The following CGNL1 variants were observed in gnomAD, a reference collection of about 807,000 sequenced individuals.
CGNL1 encodes the protein cingulin like 1.
Under a neutral mutation model 141.2 loss-of-function variants are expected in CGNL1, and 132 were observed. The observed-to-expected ratio is 0.93, with a 90% CI of 0.81 to 1.08. The LOEUF is 1.08. CGNL1 is among the 50% of genes least tolerant of loss of function. The pLI, the probability that CGNL1 is intolerant of heterozygous loss-of-function variation, is 0.00. For synonymous variants in CGNL1, 690 were observed against 622.1 expected (o/e 1.11, Z -1.63); for missense variants, 1,870 against 1,588.6 (o/e 1.18, Z -3.01).
rs1346186239 is a variant in CGNL1, at chr15:57,546,207, G to T, written c.3741G>T (p.Gln1247His). 1 of 1,598,462 alleles carries T rather than the reference G, an allele frequency of 6.3e-7. No homozygotes were observed. Among genetic ancestry groups the T allele is most frequent in the East Asian group, 2.3e-5 (1 of 44,134 alleles). The change falls in exon 18 of 19, where the codon CAG (glutamine) becomes CAT (histidine). Residue 1247 changes from glutamine (Q) to histidine (H), a missense_variant. Transcript: ENST00000281282. ...AGATGGACATGAATGAGCATCTGCA[G>T]GGGCAGCTCAACTCCATGAAGAAGG... ...EEQMDMNEHLQGQLNSMKKDL... is the reference protein window; with the variant it reads ...EEQMDMNEHLHGQLNSMKKDL...
chr15:57,447,678 A>G (rs1196102514), intron 4 of CGNL1, among the ~76,000 whole-genome samples: 1 of 152,016 alleles, frequency 6.6e-6, no homozygotes, highest in African/African-American at 2.4e-5. Flanking sequence ...ATTCTTGGCT[A>G]TTATTTATTT....
chr15:57,442,018 G>A (rs2063193640), intron 3 of CGNL1, among the ~76,000 whole-genome samples: 1 of 151,866 alleles, frequency 6.6e-6, no homozygotes. Context: ...CAAAGAAAAG[G>A]AGAATTCTTT....
chr15:57,439,809 G>A (rs2063162422), intron 2 of CGNL1, among the ~76,000 whole-genome samples: 1 of 152,170 alleles, frequency 6.6e-6, no homozygotes, highest in Non-Finnish European at 1.5e-5. Context: ...TTGAAGTTCA[G>A]CTGGATTCCC....
chr15:57,476,639 G>C (rs1429115896), intron 8 of CGNL1, among the ~76,000 whole-genome samples: 1 of 152,142 alleles, frequency 6.6e-6, no homozygotes, highest in Non-Finnish European at 1.5e-5. Flanking sequence ...ATGTGTTCAC[G>C]GTGACCACAC....
Position 57,528,827 on chromosome 15 carries a change from G to T in CGNL1, c.3201+12G>T, listed in dbSNP as rs372867513. ...TCAAGCAGATGGAGGTCTGTGGGCCGTACAGTGTGAGCTGGGGGACCTGCA... is the reference window on the plus strand; with the variant it reads ...TCAAGCAGATGGAGGTCTGTGGGCCTTACAGTGTGAGCTGGGGGACCTGCA... On this transcript the variant is annotated intron_variant, in intron 13 of 18. Transcript: ENST00000281282. 6.2e-7 allele frequency: 1 copy of T among 1,611,786 alleles called. No individual in the cohort carries two copies. The highest frequency in any genetic ancestry group is 1.3e-5 in the African/African-American group (1 of 74,852).
chr15:57,543,819 C>A (rs769104869), intron 15 of CGNL1, 40 bp downstream of exon 15: 1 of 1,476,384 alleles, frequency 6.8e-7, no homozygotes, highest in Non-Finnish European at 9.5e-7. Context: ...CCCGTCCATC[C>A]GCTAACCCTC....
chr15:57,521,394 C>T (rs1050952660), intron 10 of CGNL1, among the ~76,000 whole-genome samples: 4 of 152,102 alleles, frequency 2.6e-5, no homozygotes, highest in Non-Finnish European at 4.4e-5. Flanking sequence ...ATTTTAAGTA[C>T]AGACACCCCA....
intron 7 of CGNL1, among the ~76,000 whole-genome samples, chr15:57,455,021 A>G (rs1567129249): frequency 1.3e-5 from 2 of 152,146 alleles, no homozygotes; most frequent in Non-Finnish European, 2.9e-5. Context: ...TGTATATATA[A>G]TATAAGGACA....
rs1465742998 is a variant in CGNL1, at chr15:57,536,297, A to C, written c.3291+4518A>C. 2.6e-5 allele frequency among the ~76,000 whole-genome samples: 4 copies of C among 152,190 alleles called. No homozygotes were observed. The East Asian group carries it at 5.8e-4, about 22-fold the overall frequency. On this transcript the variant is annotated intron_variant, in intron 14 of 18. Coordinates refer to ENST00000281282, the MANE Select transcript of CGNL1 (RefSeq NM_032866.5). Reference sequence around the variant, plus strand: ...GGGATTATGGGAGCTATAATTCAAGATGAGATTTGGGTGAGGACACAGCCA... The same window carrying C: ...GGGATTATGGGAGCTATAATTCAAGCTGAGATTTGGGTGAGGACACAGCCA...
intron 8 of CGNL1, among the ~76,000 whole-genome samples, chr15:57,476,407 T>A (rs1222197129): frequency 2.6e-5 from 4 of 152,198 alleles, no homozygotes; most frequent in Non-Finnish European, 5.9e-5. Context: ...TTTTATGCCT[T>A]TTATAGTTTT....
At chr15:57,401,710 A>G (rs1595664699) in intron 1 of CGNL1, among the ~76,000 whole-genome samples, 2 of 152,202 alleles carry the variant, frequency 1.3e-5, no homozygotes, top group East Asian at 1.9e-4. Context: ...CTCATTCTCA[A>G]ATTTCCTTAT....
intron 1 of CGNL1, among the ~76,000 whole-genome samples, chr15:57,388,337 G>A (rs932588084): frequency 1.3e-5 from 2 of 152,132 alleles, no homozygotes; most frequent in Non-Finnish European, 2.9e-5. Context: ...ATTCTAGGGT[G>A]GTCTTTCCTT....
Position 57,419,614 on chromosome 15 carries a change from C to T in CGNL1, c.-15-18371C>T, listed in dbSNP as rs141391924. 8.5e-3 allele frequency among the ~76,000 whole-genome samples: 1,299 copies of T among 152,138 alleles called. 7 individuals carry two copies. Among genetic ancestry groups the T allele is most frequent in the Non-Finnish European group, 0.013 (881 of 67,988 alleles). ...TGATATTTTTCTCATGATTAGACTGCGATTAGGAAGTCCCATTATGGGGCT... is the reference window on the plus strand; with the variant it reads ...TGATATTTTTCTCATGATTAGACTGTGATTAGGAAGTCCCATTATGGGGCT... On this transcript the variant is annotated intron_variant, in intron 1 of 18. Transcript: ENST00000281282.
chr15:57,452,097 A>C lies in CGNL1; in HGVS notation c.1906-44A>C, dbSNP rs117922168. ...AAGTAGGCTTCTGTGGGGTTACGTTAATGTACAGTGGAGGCTCTTTAAAAT... is the reference window on the plus strand; with the variant it reads ...AAGTAGGCTTCTGTGGGGTTACGTTCATGTACAGTGGAGGCTCTTTAAAAT... On this transcript the variant is annotated intron_variant, in intron 5 of 18. Transcript: ENST00000281282. 7.1e-4 allele frequency: 1,116 copies of C among 1,565,546 alleles called. 9 individuals carry two copies. The East Asian group carries it at 0.023, about 32-fold the overall frequency.
chr15:57,528,803 C>A lies in CGNL1; in HGVS notation c.3189C>A (p.Val1063=). 1 of 1,613,710 alleles carries A rather than the reference C, an allele frequency of 6.2e-7. No homozygotes were observed. Among genetic ancestry groups the A allele is most frequent in the South Asian group, 1.1e-5 (1 of 91,012 alleles). ...TCAAAGATGACCGCAGCAGGCTGGT[C>A]AAGCAGATGGAGGTCTGTGGGCCGT... ...SHLKDDRSRL[V]KQMEDKVSQL... The change falls in exon 13 of 19, where the codon GTC becomes GTA. Residue 1063 remains valine, a synonymous_variant. Transcript: ENST00000281282.
chr15:57,451,719 T>C (rs547335157), intron 5 of CGNL1, 118 bp downstream of exon 5: 9 of 701,216 alleles, frequency 1.3e-5, no homozygotes, highest in African/African-American at 5.4e-5. Flanking sequence ...AAAAGAAACA[T>C]TCCTCTAATC....
chr15:57,539,968 C>A (rs1368553676), intron 14 of CGNL1, among the ~76,000 whole-genome samples: 1 of 152,112 alleles, frequency 6.6e-6, no homozygotes, highest in Admixed American at 6.5e-5. Flanking sequence ...TATTCAAATC[C>A]GCAGGACTTG....
chr15:57,408,901 G>A (rs1276738766), intron 1 of CGNL1, among the ~76,000 whole-genome samples: 2 of 151,988 alleles, frequency 1.3e-5, no homozygotes, highest in East Asian at 1.9e-4. Flanking sequence ...AATTAGCCAG[G>A]CATGGTGGTG....
intron 7 of CGNL1, among the ~76,000 whole-genome samples, 156 bp downstream of exon 7, chr15:57,453,974 C>T (rs1367418637): frequency 6.6e-6 from 1 of 152,184 alleles, no homozygotes; most frequent in Admixed American, 6.5e-5. Context: ...GCTTGATTCT[C>T]TCCTCTCAGC....
Sources: gnomAD v4.1 joint callset for allele counts (sites outside exome capture counted in the v4.1 genomes callset) on GRCh38, gnomAD v4.1.1 for gene constraint, MANE v1.5 for transcripts, NCBI Gene and HGNC (gene_info 2026-07-23, HGNC 2026-07-21) for gene names.